Variants in CAPRIN1 observed in about 807,000 individuals in gnomAD.
The protein encoded by CAPRIN1 is cell cycle associated protein 1.
CAPRIN1 carries 29 observed loss-of-function variants against 100.9 expected under a neutral mutation model. The ratio of observed to expected loss-of-function variants is 0.29; its 90% CI spans 0.21 to 0.39. CAPRIN1 has a LOEUF of 0.39. Ranked by LOEUF, CAPRIN1 falls within the 10% of genes least tolerant of loss-of-function variation. The pLI is 1.00. For synonymous variants in CAPRIN1, 338 were observed against 307.5 expected, an observed-to-expected ratio of 1.10 and a Z score of -1.04; for missense variants, 795 against 876.7, an observed-to-expected ratio of 0.91 and a Z score of 1.18.
intron 15 of CAPRIN1, among the ~76,000 whole-genome samples, chr11:34,092,422 T>A (rs1851281566): frequency 6.6e-6 from 1 of 151,858 alleles, no homozygotes; most frequent in Non-Finnish European, 1.5e-5. Context: ...AGTGCCGTGA[T>A]CTCGGCTTAC....
chr11:34,086,318 A>G lies in CAPRIN1; in HGVS notation c.1136A>G (p.Asp379Gly). The G allele has an allele frequency of 1.2e-6, 2 of 1,613,500 alleles. No homozygotes were observed. The highest frequency in any genetic ancestry group is 1.7e-6 in the Non-Finnish European group (2 of 1,179,610). The part of the protein sequence containing the change: ...PYNFIQDSML[D>G]FENQTLDPAI... ...CTTAACCTGTAGGATTCAATGCTGG[A>G]TTTTGAAAATCAGACACTTGATCCT... The change falls in exon 11 of 19, where the codon GAT becomes GGT. Residue 379 changes from aspartate to glycine, a missense_variant. This residue lies in a region of CAPRIN1 where 648 missense variants were observed against 697.9 expected (regional missense o/e 0.93). Coordinates refer to ENST00000341394, the MANE Select transcript of CAPRIN1 (RefSeq NM_005898.5).
chr11:34,089,369 CA>C, intron 11 of CAPRIN1, 25 bp from the exon 12 acceptor site: 2 of 1,446,232 alleles, frequency 1.4e-6, no homozygotes, highest in Non-Finnish European at 1.9e-6. Context: ...TTTTGTTTGA[CA>C]AAAATGTTTT....
intron 2 of CAPRIN1, among the ~76,000 whole-genome samples, chr11:34,060,617 A>T (rs987238556): frequency 6.6e-6 from 1 of 152,250 alleles, no homozygotes; most frequent in African/African-American, 2.4e-5. Flanking sequence ...CATTGTGGAC[A>T]GGAAAGATAG....
chr11:34,092,386 T>G (rs528505936), intron 15 of CAPRIN1, among the ~76,000 whole-genome samples: 26 of 151,554 alleles, frequency 1.7e-4, no homozygotes, highest in African/African-American at 6.1e-4. Context: ...AGATGGGGTC[T>G]CACTCTGTCA....
At chr11:34,070,396 T>C (rs1345695853) in intron 2 of CAPRIN1, among the ~76,000 whole-genome samples, 2 of 152,158 alleles carry the variant, frequency 1.3e-5, no homozygotes, top group East Asian at 3.8e-4. Context: ...AAAAAATACT[T>C]TTTTTCCCCT....
chr11:34,087,329 ATTT>A (rs5790975), intron 11 of CAPRIN1, among the ~76,000 whole-genome samples: 5 of 96,580 alleles, frequency 5.2e-5, no homozygotes, highest in Non-Finnish European at 9.6e-5. Context: ...TATCTCTCAC[ATTT>A]TTTTTTTTTT....
rs554210479 is a variant in CAPRIN1 at position 34,101,087 on chromosome 11, T to C, written c.*1720T>C. The C allele has an allele frequency of 6.5e-6, 1 of 152,716 alleles. No homozygotes were observed. Among genetic ancestry groups the C allele is most frequent in the Non-Finnish European group, 1.5e-5 (1 of 67,994 alleles). 9.5% of individuals were successfully genotyped at this position (152,716 alleles called of 1,614,324 possible). ...TTGAACATTCCACATTCAAAAGTTTTGTAGGGTGGTGGGAAATGGGGGATC... is the reference window on the plus strand; with the variant it reads ...TTGAACATTCCACATTCAAAAGTTTCGTAGGGTGGTGGGAAATGGGGGATC... On this transcript the variant is annotated 3_prime_UTR_variant, in exon 19 of 19. Transcript: ENST00000341394.
chr11:34,070,451 T>A (rs936852439), intron 2 of CAPRIN1, among the ~76,000 whole-genome samples: 1 of 152,150 alleles, frequency 6.6e-6, no homozygotes, highest in Admixed American at 6.6e-5. Flanking sequence ...GGCTGGAGTT[T>A]TGGCATTATT....
intron 18 of CAPRIN1, chr11:34,098,441 C>A (rs1471383816): frequency 3.0e-6 from 3 of 985,178 alleles, no homozygotes; most frequent in Non-Finnish European, 3.6e-6. Flanking sequence ...ACCTATTTAA[C>A]AATTAGAGCT....
chr11:34,059,767 T>C (rs1325907481), intron 2 of CAPRIN1, among the ~76,000 whole-genome samples: 2 of 152,210 alleles, frequency 1.3e-5, no homozygotes, highest in Admixed American at 1.3e-4. Flanking sequence ...AAATGCTTTT[T>C]GCACAGAACT....
At chr11:34,079,897 A>C in intron 7 of CAPRIN1, 132 bp downstream of exon 7, 1 of 591,986 alleles carries the variant, frequency 1.7e-6, no homozygotes, top group Non-Finnish European at 2.6e-6. Context: ...GACTTTAAGC[A>C]TGACAAAGTT....
chr11:34,080,770 C>T lies in CAPRIN1; in HGVS notation c.826+1005C>T, dbSNP rs1174453337. On this transcript the variant is annotated intron_variant, in intron 7 of 18. Transcript: ENST00000341394. ...GCAAGTTAATGAAACTCTTGTACCTCAGGTTCCCCGTTTAGAAAATATGTC... is the reference window on the plus strand; with the variant it reads ...GCAAGTTAATGAAACTCTTGTACCTTAGGTTCCCCGTTTAGAAAATATGTC... Among the ~76,000 whole-genome samples the T allele has an allele frequency of 2.5e-4, 38 of 152,204 alleles. 1 individual carries two copies. Among genetic ancestry groups the T allele is most frequent in the Admixed American group, 2.5e-3 (38 of 15,282 alleles).
intron 7 of CAPRIN1, 124 bp downstream of exon 7, chr11:34,079,889 C>G: frequency 3.2e-6 from 2 of 618,790 alleles, no homozygotes; most frequent in Non-Finnish European, 4.9e-6. Context: ...TTTAAAGAGA[C>G]TTTAAGCATG....
In CAPRIN1 at chr11:34,100,147, G is replaced by A. The variant is rs1162522936; in HGVS notation, c.*780G>A. On this transcript the variant is annotated 3_prime_UTR_variant, in exon 19 of 19. Transcript: ENST00000341394. ...TAGATACCTTTTTGAACACTTAACA[G>A]TTTCTTTGAGACAATGACTTTTGTA... 1 of 152,352 alleles carries A rather than the reference G, an allele frequency of 6.6e-6. No homozygotes were observed. Among genetic ancestry groups the A allele is most frequent in the Non-Finnish European group, 1.5e-5 (1 of 68,018 alleles). The allele number at this position is 152,352 out of a possible 1,614,324, so 9.4% of individuals were successfully genotyped here.
At chr11:34,056,018 CT>C (rs1850442719) in intron 2 of CAPRIN1, among the ~76,000 whole-genome samples, 1 of 152,186 alleles carries the variant, frequency 6.6e-6, no homozygotes, top group Admixed American at 6.5e-5. Context: ...TGTGAGAAGA[CT>C]TAACTGTTTT....
intron 14 of CAPRIN1, 79 bp from the exon 15 acceptor site, chr11:34,091,827 A>T: frequency 7.5e-7 from 1 of 1,329,112 alleles, no homozygotes; most frequent in South Asian, 1.4e-5. Flanking sequence ...TGTCTGAGGT[A>T]AAACCACCAT....
At chr11:34,096,449 G>A (rs2134138602) in intron 15 of CAPRIN1, 30 bp from the exon 16 acceptor site, 1 of 1,551,032 alleles carries the variant, frequency 6.4e-7, no homozygotes, top group Non-Finnish European at 8.9e-7. Flanking sequence ...AGCTGTTTAT[G>A]TATATATCTT....
rs571805855 is a variant in CAPRIN1, at chr11:34,097,021, G to T, written c.1901-175G>T. Among the ~76,000 whole-genome samples, 21 of 152,306 alleles carry T rather than the reference G, an allele frequency of 1.4e-4. No homozygotes were observed. In the South Asian group the frequency reaches 4.4e-3, roughly 32 times the overall value. ...GGGTTAAAAGTTTATCTTCTGAGGG[G>T]CAGTTAGTACTTACAGAAATTTATA... On this transcript the variant is annotated intron_variant, in intron 16 of 18. Transcript: ENST00000341394.
At chr11:34,071,232 G>A (rs1207466567) in intron 2 of CAPRIN1, among the ~76,000 whole-genome samples, 1 of 152,144 alleles carries the variant, frequency 6.6e-6, no homozygotes, top group Non-Finnish European at 1.5e-5. Flanking sequence ...TACAGCCTTT[G>A]ATATCATTCA....
Sources: allele counts gnomAD v4.1 joint callset (sites outside exome capture counted in the v4.1 genomes callset), GRCh38; gene constraint gnomAD v4.1.1; regional missense constraint gnomAD v4.1.1; transcripts MANE v1.5; gene names NCBI Gene and HGNC (gene_info 2026-07-23, HGNC 2026-07-21).